NT5C2: variants seen among roughly 807,000 people sequenced by gnomAD.
NT5C2 encodes the protein cytosolic purine 5'-nucleotidase.
NT5C2 carries 58 observed loss-of-function variants against 76.1 expected under a neutral mutation model. The ratio of observed to expected loss-of-function variants is 0.76; its 90% CI spans 0.62 to 0.95. The LOEUF is 0.95. Ranked by LOEUF, NT5C2 falls within the 40% of genes least tolerant of loss-of-function variation. The probability of loss-of-function intolerance (pLI) is 0.00; values close to 1 mark genes in which losing one functional copy is unlikely to be tolerated. For missense variants in NT5C2, 478 were observed against 690.3 expected, an observed-to-expected ratio of 0.69 and a Z score of 3.45; for synonymous variants, 229 against 237.4, an observed-to-expected ratio of 0.96 and a Z score of 0.32.
intron 4 of NT5C2, among the ~76,000 whole-genome samples, chr10:103,110,393 T>C (rs1165092904): frequency 1.3e-5 from 2 of 152,026 alleles, no homozygotes; most frequent in East Asian, 1.9e-4. Flanking sequence ...GAGGCGGAGG[T>C]TGCAGTGATC....
At chr10:103,101,467 G>T in intron 6 of NT5C2, 141 bp from the exon 7 acceptor site, 1 of 485,292 alleles carries the variant, frequency 2.1e-6, no homozygotes, top group East Asian at 3.2e-5. Context: ...GGATAGCTAT[G>T]AAGATGAACG....
intron 4 of NT5C2, among the ~76,000 whole-genome samples, chr10:103,108,933 A>G (rs1008256561): frequency 6.6e-6 from 1 of 151,420 alleles, no homozygotes; most frequent in African/African-American, 2.4e-5. Context: ...ATCTTGACTC[A>G]CTGCAACCTC....
At chr10:103,135,354 A>C (rs929545727) in intron 4 of NT5C2, among the ~76,000 whole-genome samples, 2 of 152,152 alleles carry the variant, frequency 1.3e-5, no homozygotes, top group African/African-American at 4.8e-5. Context: ...ATGAGATCTG[A>C]TGGTTTTAAA....
intron 16 of NT5C2, among the ~76,000 whole-genome samples, chr10:103,091,324 G>A (rs1294104655): frequency 2.0e-5 from 3 of 151,750 alleles, no homozygotes; most frequent in Non-Finnish European, 4.4e-5. Context: ...ACAGGCATGA[G>A]CCACTGCGCC....
chr10:103,119,762 T>C (rs1378911403), intron 4 of NT5C2, among the ~76,000 whole-genome samples: 1 of 151,912 alleles, frequency 6.6e-6, no homozygotes, highest in African/African-American at 2.4e-5. Flanking sequence ...TAAGAAGAAA[T>C]GCTAAAGCAC....
chr10:103,138,922 G>A (rs1344449738), intron 4 of NT5C2, among the ~76,000 whole-genome samples: 3 of 151,996 alleles, frequency 2.0e-5, no homozygotes, highest in African/African-American at 7.2e-5. Context: ...CAGGAGAATC[G>A]CTTGAACCCA....
In NT5C2 at chr10:103,156,529, CG is replaced by C. The variant is rs1238328045; in HGVS notation, c.102-17051del. Among the ~76,000 whole-genome samples the C allele has an allele frequency of 7.3e-5, 11 of 151,606 alleles. No homozygotes were observed. In the East Asian group the frequency reaches 2.1e-3, roughly 30 times the overall value. On this transcript the variant is annotated intron_variant, in intron 3 of 18. Coordinates refer to ENST00000404739, the MANE Select transcript of NT5C2 (RefSeq NM_001351169.2). Reference sequence around the variant, plus strand: ...CAGCACTTTGGGAGGCCGAGGCGGGCGGATCACCTGAGGTCAGGAGTTCTAA... The same window carrying C: ...CAGCACTTTGGGAGGCCGAGGCGGGCGATCACCTGAGGTCAGGAGTTCTAA...
At chr10:103,100,259 G>C (rs558961755) in intron 8 of NT5C2, among the ~76,000 whole-genome samples, 11 of 152,278 alleles carry the variant, frequency 7.2e-5, no homozygotes, top group African/African-American at 2.4e-4. Context: ...TTGAATGGAA[G>C]CTAAAAGGCC....
chr10:103,101,781 T>C (rs2069755389), intron 6 of NT5C2, among the ~76,000 whole-genome samples: 1 of 152,128 alleles, frequency 6.6e-6, no homozygotes, highest in African/African-American at 2.4e-5. Context: ...GGGAACACCA[T>C]TTCAACTTAA....
intron 1 of NT5C2, among the ~76,000 whole-genome samples, chr10:103,184,949 T>G (rs542344406): frequency 2.2e-4 from 33 of 152,322 alleles, no homozygotes; most frequent in African/African-American, 7.7e-4. Context: ...TCTGAAATTG[T>G]AACTAGAAAC....
intron 13 of NT5C2, 72 bp from the exon 14 acceptor site, chr10:103,094,110 C>CCCA: frequency 8.6e-7 from 1 of 1,156,624 alleles, no homozygotes; most frequent in Non-Finnish European, 1.3e-6. Context: ...CACAACCCTC[C>CCCA]CATCCCACCC....
chr10:103,157,593 G>A (rs370802099), intron 3 of NT5C2, among the ~76,000 whole-genome samples: 1 of 152,026 alleles, frequency 6.6e-6, no homozygotes, highest in Non-Finnish European at 1.5e-5. Flanking sequence ...CACAAATTAA[G>A]GTAAAGACAT....
intron 1 of NT5C2, among the ~76,000 whole-genome samples, chr10:103,189,897 T>A (rs1591957967): frequency 1.3e-5 from 2 of 151,810 alleles, no homozygotes; most frequent in East Asian, 3.9e-4. Flanking sequence ...CTCGAACTCC[T>A]GACCTCAGGT....
chr10:103,095,294 C>A (rs1475668720), intron 12 of NT5C2, among the ~76,000 whole-genome samples: 1 of 152,150 alleles, frequency 6.6e-6, no homozygotes, highest in African/African-American at 2.4e-5. Context: ...TGAAATGGAA[C>A]CCTGGCATTA....
At chr10:103,178,878 T>G (rs957617292) in intron 2 of NT5C2, among the ~76,000 whole-genome samples, 3 of 150,354 alleles carry the variant, frequency 2.0e-5, no homozygotes, top group Non-Finnish European at 3.0e-5. Flanking sequence ...GGGGTTGCTC[T>G]GTAAACAGAG....
chr10:103,141,244 C>T (rs1174067301), intron 3 of NT5C2, among the ~76,000 whole-genome samples: 1 of 152,122 alleles, frequency 6.6e-6, no homozygotes, highest in Non-Finnish European at 1.5e-5. Context: ...ATGGCTTTAG[C>T]TCAAGAGTTC....
intron 3 of NT5C2, among the ~76,000 whole-genome samples, chr10:103,149,263 C>T (rs1014743034): frequency 1.3e-5 from 2 of 152,114 alleles, no homozygotes; most frequent in Non-Finnish European, 2.9e-5. Context: ...AAAAGAAGGT[C>T]TATCTTAAAA....
At chr10:103,121,523 T>C (rs1044351835) in intron 4 of NT5C2, among the ~76,000 whole-genome samples, 8 of 152,138 alleles carry the variant, frequency 5.3e-5, no homozygotes, top group African/African-American at 1.9e-4. Context: ...GTCAAGTGAG[T>C]TGAGTCCATT....
chr10:103,182,634 CAA>C (rs563349681), intron 1 of NT5C2, among the ~76,000 whole-genome samples: 1 of 137,960 alleles, frequency 7.2e-6, no homozygotes. Flanking sequence ...GACTCCATCT[CAA>C]AAAAAAAAAA....
Sources: allele counts gnomAD v4.1 joint callset (sites outside exome capture counted in the v4.1 genomes callset), GRCh38; gene constraint gnomAD v4.1.1; transcripts MANE v1.5; gene names NCBI Gene and HGNC (gene_info 2026-07-23, HGNC 2026-07-21).